SUDS3: variants seen among roughly 807,000 people sequenced by gnomAD.
SUDS3 encodes sin3 histone deacetylase corepressor complex component SDS3.
Under a neutral mutation model 53.5 loss-of-function variants are expected in SUDS3, and 23 were observed. That is an observed-to-expected ratio of 0.43 (90% confidence interval 0.31 to 0.61). The LOEUF (loss-of-function observed/expected upper bound fraction) is 0.61, where lower values mean the gene tolerates loss of function less well. Ranked by LOEUF, SUDS3 falls within the 20% of genes least tolerant of loss-of-function variation. The probability of loss-of-function intolerance (pLI) is 0.10; values close to 1 mark genes in which losing one functional copy is unlikely to be tolerated. For missense variants in SUDS3, 291 were observed against 405.9 expected (o/e 0.72, Z 2.43); for synonymous variants, 150 against 148.5 (o/e 1.01, Z -0.08).
rs1367048108 is a variant in SUDS3 at position 118,382,733 on chromosome 12, T to G, written c.213-1279T>G. ...CCCAGGCTGGAGTGCAGTGGCATGA[T>G]CTCGGCTCACTGCAACCTCCAGCCC... On this transcript the variant is annotated intron_variant, in intron 2 of 11. Coordinates refer to ENST00000543473, the MANE Select transcript of SUDS3 (RefSeq NM_022491.3). Among the ~76,000 whole-genome samples the G allele has an allele frequency of 4.6e-4, 69 of 151,238 alleles. 1 individual carries two copies. The highest frequency in any genetic ancestry group is 4.6e-3 in the Admixed American group (69 of 15,158).
intron 10 of SUDS3, among the ~76,000 whole-genome samples, chr12:118,407,198 A>G (rs1339831114): frequency 6.6e-6 from 1 of 152,054 alleles, no homozygotes. Flanking sequence ...TGAACACTTT[A>G]ATATCTAAGG....
At chr12:118,391,677 A>G (rs925211131) in intron 6 of SUDS3, among the ~76,000 whole-genome samples, 2 of 152,202 alleles carry the variant, frequency 1.3e-5, no homozygotes, top group South Asian at 2.1e-4. Context: ...TTGCTTACGC[A>G]AGTCCCTCTG....
rs1393535899 is a variant in SUDS3 at position 118,417,972 on chromosome 12, TC to T, written c.*3540del. 2 of 152,176 alleles carry T rather than the reference TC, an allele frequency of 1.3e-5. No individual in the cohort carries two copies. Among genetic ancestry groups the T allele is most frequent in the African/African-American group, 4.8e-5 (2 of 41,446 alleles). The allele number at this position is 152,176 out of a possible 1,614,324, so 9.4% of individuals were successfully genotyped here. ...TGTTGCAGATAAAAGTCATTAAAAA[TC>T]AAGTGAATAGAATGGATCTTGGGTG... On this transcript the variant is annotated 3_prime_UTR_variant, in exon 12 of 12. Coordinates refer to ENST00000543473, the MANE Select transcript of SUDS3 (RefSeq NM_022491.3).
chr12:118,391,460 C>T (rs1264674878), intron 6 of SUDS3, among the ~76,000 whole-genome samples, 178 bp downstream of exon 6: 1 of 152,188 alleles, frequency 6.6e-6, no homozygotes, highest in African/African-American at 2.4e-5. Context: ...AGTCAAGCTG[C>T]TTAACTTCTC....
intron 6 of SUDS3, among the ~76,000 whole-genome samples, chr12:118,393,140 A>G (rs1211851912): frequency 1.3e-5 from 2 of 152,328 alleles, no homozygotes; most frequent in African/African-American, 4.8e-5. Flanking sequence ...TGCTGGAGCT[A>G]GAAGGGTAAT....
intron 7 of SUDS3, 84 bp from the exon 8 acceptor site, chr12:118,401,675 A>T (rs909178731): frequency 6.0e-5 from 70 of 1,158,882 alleles, no homozygotes; most frequent in Non-Finnish European, 7.1e-5. Flanking sequence ...TACTTTGTAA[A>T]TTCTAAAATA....
At chr12:118,391,675 G>A (rs1395868728) in intron 6 of SUDS3, among the ~76,000 whole-genome samples, 1 of 152,150 alleles carries the variant, frequency 6.6e-6, no homozygotes, top group Non-Finnish European at 1.5e-5. Context: ...AATTGCTTAC[G>A]CAAGTCCCTC....
At chr12:118,402,245 TTTGA>T (rs911217395) in intron 9 of SUDS3, 21 of 548,756 alleles carry the variant, frequency 3.8e-5, no homozygotes, top group East Asian at 8.8e-5. Flanking sequence ...AAAAGAGACA[TTTGA>T]TTGATTGATT....
Position 118,416,534 on chromosome 12 carries a change from G to A in SUDS3, c.*2101G>A, listed in dbSNP as rs565491213. ...ACTCCGCCATTGCCTTCTCCTCGGC[G>A]TCCTCACAACTCTTAATTGGGCCTA... On this transcript the variant is annotated 3_prime_UTR_variant, in exon 12 of 12. Transcript: ENST00000543473. 4 of 152,242 alleles carry A rather than the reference G, an allele frequency of 2.6e-5. No homozygotes were observed. Among genetic ancestry groups the A allele is most frequent in the South Asian group, 2.1e-4 (1 of 4,818 alleles). 9.4% of individuals were successfully genotyped at this position (152,242 alleles called of 1,614,324 possible).
At chr12:118,403,577 C>T in intron 10 of SUDS3, 60 bp downstream of exon 10, 1 of 1,349,766 alleles carries the variant, frequency 7.4e-7, no homozygotes, top group Non-Finnish European at 1.0e-6. Context: ...GGAAAGAGGG[C>T]TGGGGCTATT....
At chr12:118,390,687 A>T (rs1220253722) in intron 5 of SUDS3, among the ~76,000 whole-genome samples, 1 of 152,204 alleles carries the variant, frequency 6.6e-6, no homozygotes, top group Non-Finnish European at 1.5e-5. Context: ...TTTTTGTCTT[A>T]GTATAATATC....
Position 118,403,429 on chromosome 12 carries a change from G to A in SUDS3, c.715G>A (p.Glu239Lys), listed in dbSNP as rs774395545. ...PKRPASPSSP[E>K]HLPATPAESP... ...TCCTCCAGCATCTCCATCCTCTCCT[G>A]AGCACTTGCCTGCAACACCCGCGGA... The change falls in exon 10 of 12, where the codon GAG (glutamate) becomes AAG (lysine). Residue 239 changes from glutamate to lysine, a missense_variant. By Grantham distance (56) the Glu-to-Lys change is moderately conservative. Coordinates refer to ENST00000543473, the MANE Select transcript of SUDS3 (RefSeq NM_022491.3). The A allele has an allele frequency of 1.2e-6, 2 of 1,613,516 alleles. No homozygotes were observed. Among genetic ancestry groups the A allele is most frequent in the South Asian group, 2.2e-5 (2 of 90,864 alleles).
intron 11 of SUDS3, among the ~76,000 whole-genome samples, chr12:118,413,671 G>C (rs978480069): frequency 6.6e-6 from 1 of 152,134 alleles, no homozygotes; most frequent in Non-Finnish European, 1.5e-5. Context: ...GTCCCCTGTT[G>C]CAAGAGTTCA....
At position 118,416,198 on chromosome 12, in the gene SUDS3, A is replaced by G. The variant is rs1210522162; in HGVS notation, c.*1765A>G. The G allele has an allele frequency of 6.6e-6, 1 of 152,130 alleles. No individual in the cohort carries two copies. The highest frequency in any genetic ancestry group is 1.5e-5 in the Non-Finnish European group (1 of 68,032). 9.4% of individuals were successfully genotyped at this position (152,130 alleles called of 1,614,324 possible). A position where few individuals can be genotyped will look rare whatever the true frequency, so the allele number is the denominator to read the frequency against. ...ACATATTGTGCAGCTGTTGGTTTTC[A>G]TGTAGTGCCCTGCGATGGAAATTAG... On this transcript the variant is annotated 3_prime_UTR_variant, in exon 12 of 12. Transcript: ENST00000543473.
intron 10 of SUDS3, among the ~76,000 whole-genome samples, chr12:118,409,424 C>T (rs7960260): frequency 1.3e-5 from 2 of 152,240 alleles, no homozygotes; most frequent in Non-Finnish European, 1.5e-5. Context: ...GGATTACAGG[C>T]GTGAGCCACC....
chr12:118,407,664 C>T (rs1253398838), intron 10 of SUDS3, among the ~76,000 whole-genome samples: 1 of 151,512 alleles, frequency 6.6e-6, no homozygotes, highest in Non-Finnish European at 1.5e-5. Context: ...TTTAAAAGAC[C>T]TTTGTGAGGA....
At chr12:118,389,628 G>A (rs2046147218) in intron 4 of SUDS3, among the ~76,000 whole-genome samples, 1 of 151,564 alleles carries the variant, frequency 6.6e-6, no homozygotes, top group Non-Finnish European at 1.5e-5. Flanking sequence ...TCTCCTACCT[G>A]CCTCAGCCTC....
chr12:118,400,160 A>G (rs892998104), intron 6 of SUDS3, among the ~76,000 whole-genome samples: 4 of 152,144 alleles, frequency 2.6e-5, no homozygotes, highest in African/African-American at 4.8e-5. Flanking sequence ...TAGAGAAAAA[A>G]AATCCGAGTC....
chr12:118,403,108 C>G (rs1250531693), intron 9 of SUDS3, among the ~76,000 whole-genome samples: 3 of 152,178 alleles, frequency 2.0e-5, no homozygotes, highest in African/African-American at 7.2e-5. Context: ...CCTTTGATCA[C>G]CAGGGCTTTA....
Sources: allele counts gnomAD v4.1 joint callset (sites outside exome capture counted in the v4.1 genomes callset), GRCh38; gene constraint gnomAD v4.1.1; transcripts MANE v1.5; gene names NCBI Gene and HGNC (gene_info 2026-07-23, HGNC 2026-07-21).